The following TANC2 variants were observed in gnomAD, a reference collection of about 807,000 sequenced individuals.
TANC2 encodes protein TANC2.
TANC2 carries 26 observed loss-of-function variants against 210.5 expected under a neutral mutation model. That is an observed-to-expected ratio of 0.12 (90% confidence interval 0.09 to 0.17). TANC2 has a LOEUF of 0.17. Ranked by LOEUF, TANC2 falls within the 10% of genes least tolerant of loss-of-function variation. The pLI is 1.00. For missense variants in TANC2, 2,129 were observed against 2,608.9 expected, an observed-to-expected ratio of 0.82 and a Z score of 4.01; for synonymous variants, 931 against 967.1, an observed-to-expected ratio of 0.96 and a Z score of 0.69.
chr17:63,099,222 G>C, exon 4 of TANC2: 1 of 1,597,108 alleles, frequency 6.3e-7, no homozygotes, highest in South Asian at 1.1e-5. Context: ...AGACTACGCT[G>C]TCCCGCCACT....
intron 4 of TANC2, among the ~76,000 whole-genome samples, chr17:63,124,708 A>G (rs866973037): frequency 1.3e-4 from 20 of 152,176 alleles, no homozygotes; most frequent in South Asian, 2.1e-4. Context: ...CCTATTAGGA[A>G]CTGGGCGGCA....
At chr17:63,212,373 A>G (rs1263480347) in intron 7 of TANC2, among the ~76,000 whole-genome samples, 3 of 152,150 alleles carry the variant, frequency 2.0e-5, no homozygotes, top group East Asian at 3.8e-4. Context: ...TAGATTATCT[A>G]TAATTGGATA....
At chr17:63,355,190 T>C (rs1221807877) in exon 14 of TANC2, 2 of 1,613,848 alleles carry the variant, frequency 1.2e-6, no homozygotes, top group East Asian at 4.5e-5. Flanking sequence ...CACTGACTGA[T>C]GAGCATATCT....
chr17:63,022,290 G>A (rs1295578221), intron 2 of TANC2, among the ~76,000 whole-genome samples: 2 of 149,236 alleles, frequency 1.3e-5, no homozygotes, highest in African/African-American at 4.9e-5. Context: ...GCAGTGAGCC[G>A]AGATCATGCC....
chr17:63,090,571 T>C (rs1213106562), intron 3 of TANC2, among the ~76,000 whole-genome samples: 1 of 152,318 alleles, frequency 6.6e-6, no homozygotes, highest in African/African-American at 2.4e-5. Context: ...TATTCCCTGG[T>C]GTATATGTGC....
At chr17:62,976,762 A>G (rs1239963127) in intron 1 of TANC2, among the ~76,000 whole-genome samples, 2 of 152,212 alleles carry the variant, frequency 1.3e-5, no homozygotes, top group Non-Finnish European at 2.9e-5. Context: ...TTTAGCCTAA[A>G]TACTTGCCCT....
intron 1 of TANC2, among the ~76,000 whole-genome samples, chr17:63,006,957 G>T (rs897619671): frequency 1.5e-4 from 23 of 152,084 alleles, no homozygotes; most frequent in African/African-American, 4.8e-4. Flanking sequence ...TAGATGAGAT[G>T]GCTCACGCCT....
intron 5 of TANC2, among the ~76,000 whole-genome samples, chr17:63,188,279 C>G (rs2041062525): frequency 6.8e-6 from 1 of 146,814 alleles, no homozygotes; most frequent in Non-Finnish European, 1.5e-5. Flanking sequence ...GCCTGGACAG[C>G]AAAGCTGAGA....
At chr17:62,994,681 T>G (rs2033026977) in intron 1 of TANC2, among the ~76,000 whole-genome samples, 1 of 152,202 alleles carries the variant, frequency 6.6e-6, no homozygotes, top group African/African-American at 2.4e-5. Context: ...TGAACCAACC[T>G]TGTATTCCTA....
At position 63,157,332 on chromosome 17, in the gene TANC2, T is replaced by TTTTCTAAGGTGTTTTAC. The variant is rs531480299; in HGVS notation, c.433+5955_433+5956insCTAAGGTGTTTTACTTT. 1.9e-3 allele frequency among the ~76,000 whole-genome samples: 295 copies of TTTTCTAAGGTGTTTTAC among 152,324 alleles called. 1 individual carries two copies. The highest frequency in any genetic ancestry group is 6.8e-3 in the Middle Eastern group (2 of 294). On this transcript the variant is annotated intron_variant, in intron 5 of 27. Coordinates refer to ENST00000689528, the Ensembl canonical transcript of TANC2. ...AGGTTAATAATCTCATCACACTAACTTTTAGATAACTTTTCTAAGGTGTTT... is the reference window on the plus strand; with the variant it reads ...AGGTTAATAATCTCATCACACTAACTTTTCTAAGGTGTTTTACTTTAGATAACTTTTCTAAGGTGTTT...
intron 3 of TANC2, among the ~76,000 whole-genome samples, chr17:63,086,362 G>A (rs574430048): frequency 1.3e-5 from 2 of 152,150 alleles, no homozygotes; most frequent in South Asian, 2.1e-4. Context: ...TTTTGTAGTG[G>A]TTCCACAGTT....
At chr17:63,325,104 C>T (rs2045606090) in intron 11 of TANC2, among the ~76,000 whole-genome samples, 1 of 151,980 alleles carries the variant, frequency 6.6e-6, no homozygotes. Flanking sequence ...CGGATGTTGT[C>T]CTGTCTACTA....
intron 5 of TANC2, chr17:63,154,437 G>A (rs1037933163): frequency 2.6e-5 from 4 of 151,992 alleles, no homozygotes; most frequent in African/African-American, 4.8e-5. Flanking sequence ...ATGAAAAAGG[G>A]TAACCAACTG....
At chr17:63,035,310 AAAGTT>A (rs2034927494) in intron 2 of TANC2, among the ~76,000 whole-genome samples, 1 of 152,250 alleles carries the variant, frequency 6.6e-6, no homozygotes, top group South Asian at 2.1e-4. Flanking sequence ...AACATAATAC[AAAGTT>A]AATAGATTAT....
intron 7 of TANC2, among the ~76,000 whole-genome samples, chr17:63,207,960 T>C (rs1442828173): frequency 6.6e-6 from 1 of 152,194 alleles, no homozygotes. Context: ...TTAATTTGTG[T>C]TTTCTTGATT....
chr17:63,023,675 G>T (rs997300853), intron 2 of TANC2, among the ~76,000 whole-genome samples: 2 of 152,122 alleles, frequency 1.3e-5, no homozygotes, highest in African/African-American at 4.8e-5. Flanking sequence ...AACCTGTTTT[G>T]ATTTCACAGG....
intron 9 of TANC2, chr17:63,313,525 T>C (rs182514713): frequency 5.3e-5 from 8 of 152,282 alleles, no homozygotes; most frequent in African/African-American, 1.7e-4. Flanking sequence ...CCCATAATTA[T>C]ATAAGCACAG....
intron 3 of TANC2, among the ~76,000 whole-genome samples, chr17:63,075,578 T>C (rs528269757): frequency 5.3e-5 from 8 of 152,236 alleles, no homozygotes; most frequent in Non-Finnish European, 7.4e-5. Context: ...TAGGCTGGAG[T>C]GCAGAGTGCA....
chr17:63,030,440 T>C (rs2034722859), intron 2 of TANC2, among the ~76,000 whole-genome samples: 1 of 152,152 alleles, frequency 6.6e-6, no homozygotes, highest in Non-Finnish European at 1.5e-5. Flanking sequence ...TTCTCAGGTT[T>C]GTCCTTACAT....
Sources: gnomAD v4.1 joint callset for allele counts (sites outside exome capture counted in the v4.1 genomes callset) on GRCh38, gnomAD v4.1.1 for gene constraint, MANE v1.5 for transcripts, NCBI Gene and HGNC (gene_info 2026-07-23, HGNC 2026-07-21) for gene names.